PLB1: variants seen among roughly 807,000 people sequenced by gnomAD.
PLB1 encodes phospholipase B1, membrane-associated.
Under a neutral mutation model 227.4 loss-of-function variants are expected in PLB1, and 242 were observed. That is an observed-to-expected ratio of 1.06 (90% confidence interval 0.96 to 1.18). PLB1 has a LOEUF of 1.18. PLB1 is among the 50% of genes most tolerant of loss of function. The pLI is 0.00. For synonymous variants in PLB1, 757 were observed against 682.2 expected (o/e 1.11, Z -1.71); for missense variants, 1,858 against 1,816.3 (o/e 1.02, Z -0.42).
chr2:28,535,295 A>C (rs546646901), intron 9 of PLB1, among the ~76,000 whole-genome samples: 9 of 152,182 alleles, frequency 5.9e-5, no homozygotes, highest in Non-Finnish European at 1.3e-4. Flanking sequence ...TCTTTATTCT[A>C]TTTCTTCTTC....
At chr2:28,499,029 G>A (rs1426570201) in intron 1 of PLB1, among the ~76,000 whole-genome samples, 1 of 152,108 alleles carries the variant, frequency 6.6e-6, no homozygotes, top group Non-Finnish European at 1.5e-5. Context: ...TTGCAGGCAT[G>A]GACATATTTT....
In PLB1 at chr2:28,589,765, A is replaced by G. The variant is rs369680734; in HGVS notation, c.2011A>G (p.Asn671Asp). The G allele has an allele frequency of 1.9e-6, 3 of 1,613,178 alleles. No homozygotes were observed. Among genetic ancestry groups the G allele is most frequent in the Non-Finnish European group, 2.5e-6 (3 of 1,179,480 alleles). ...CCGAGCAGCCAGTGCTCTCTGGAAC[A>G]ATATGGTAAGTGGCTGCGGTAGGAA... ...HSRAASALWN[N>D]MLEPVGQKTT... The change falls in exon 28 of 58, where the codon AAT (asparagine) becomes GAT (aspartate). Residue 671 changes from asparagine (N) to aspartate (D), a missense_variant. By Grantham distance (23) the Asn-to-Asp change is conservative (BLOSUM62 1). Transcript: ENST00000327757.
rs766014187 is a variant in PLB1 at position 28,539,154 on chromosome 2, G to A, written c.674G>A (p.Arg225His). ...VDLSEVAEVS[R>H]QYHGTWLSPA... Reference sequence around the variant, plus strand: ...CTCTCTGAGGTTGCAGAGGTCTCTCGTCAGTATCACGGCACTTGGCTCAGG... The same window carrying A: ...CTCTCTGAGGTTGCAGAGGTCTCTCATCAGTATCACGGCACTTGGCTCAGG... Residue 225 changes from arginine (R) to histidine (H), a missense_variant, in exon 11 of 58, where the codon CGT (arginine) becomes CAT (histidine). By Grantham distance (29) the Arg-to-His change is conservative (BLOSUM62 0). Coordinates refer to ENST00000327757, the MANE Select transcript of PLB1 (RefSeq NM_153021.5). The A allele has an allele frequency of 5.6e-6, 9 of 1,613,958 alleles. No individual in the cohort carries two copies. Among genetic ancestry groups the A allele is most frequent in the South Asian group, 2.2e-5 (2 of 91,082 alleles).
At chr2:28,577,623 G>A (rs527510569) in intron 21 of PLB1, among the ~76,000 whole-genome samples, 27 of 152,284 alleles carry the variant, frequency 1.8e-4, no homozygotes, top group East Asian at 7.7e-4. Flanking sequence ...CAGATGGATC[G>A]TGAGGTCAGG....
intron 51 of PLB1, among the ~76,000 whole-genome samples, chr2:28,626,907 C>T (rs1416998858): frequency 6.6e-6 from 1 of 152,206 alleles, no homozygotes; most frequent in African/African-American, 2.4e-5. Context: ...GATGGGTCAT[C>T]ACGAGTTAAC....
chr2:28,589,867 G>A, intron 28 of PLB1, 97 bp downstream of exon 28: 1 of 1,375,586 alleles, frequency 7.3e-7, no homozygotes, highest in South Asian at 1.2e-5. Flanking sequence ...TGCAGGCCAT[G>A]TGATTCTATG....
Position 28,589,987 on chromosome 2 carries a change from C to T in PLB1, c.2017-18C>T, listed in dbSNP as rs1197117511. 3 of 1,610,102 alleles carry T rather than the reference C, an allele frequency of 1.9e-6. No individual in the cohort carries two copies. The highest frequency in any genetic ancestry group is 1.3e-5 in the African/African-American group (1 of 74,800). The stretch of plus-strand genomic sequence containing the variant: ...GCCGCCTCTTCCTCACTCCCCATCT[C>T]CCTGCTTCTTTGTTTAGCTGGAGCC... On this transcript the variant is annotated intron_variant, in intron 28 of 57. Transcript: ENST00000327757.
chr2:28,532,280 A>G, intron 9 of PLB1, 86 bp downstream of exon 9: 1 of 1,097,666 alleles, frequency 9.1e-7, no homozygotes, highest in South Asian at 1.4e-5. Flanking sequence ...CCCAATCCCC[A>G]GCTGTCAGGA....
At chr2:28,618,182 G>C (rs1881255) in intron 45 of PLB1, among the ~76,000 whole-genome samples, 159 bp from the exon 46 acceptor site, 1 of 152,070 alleles carries the variant, frequency 6.6e-6, no homozygotes, top group Non-Finnish European at 1.5e-5. Flanking sequence ...GCCTTGGTTG[G>C]TCTGAATGAA....
intron 38 of PLB1, 60 bp downstream of exon 38, chr2:28,602,024 T>TG: frequency 7.7e-7 from 1 of 1,300,914 alleles, no homozygotes. Flanking sequence ...TGAAGGTGGA[T>TG]GGGGGGAAAG....
chr2:28,529,979 T>G (rs1366085648), intron 8 of PLB1, among the ~76,000 whole-genome samples, 200 bp downstream of exon 8: 1 of 152,116 alleles, frequency 6.6e-6, no homozygotes, highest in African/African-American at 2.4e-5. Flanking sequence ...TTGTTTATTT[T>G]TATTTATTTA....
At chr2:28,516,372 T>C (rs1046878272) in intron 1 of PLB1, among the ~76,000 whole-genome samples, 2 of 152,198 alleles carry the variant, frequency 1.3e-5, no homozygotes, top group Admixed American at 6.5e-5. Flanking sequence ...TGATTAGCTC[T>C]TCTCCTAAGA....
intron 46 of PLB1, among the ~76,000 whole-genome samples, chr2:28,619,185 C>T (rs1430843792): frequency 6.6e-6 from 1 of 152,206 alleles, no homozygotes; most frequent in Non-Finnish European, 1.5e-5. Flanking sequence ...TCCTGATCCT[C>T]TCCCTCCTCA....
rs1668901768 is a variant in PLB1 at position 28,516,806 on chromosome 2, A to G, written c.56-2A>G. Reference sequence around the variant, plus strand: ...ACTTGAACTATTTCTGCTTTCTTTCAGGGACCCCTCAGATCCATACCTCTC... The same window carrying G: ...ACTTGAACTATTTCTGCTTTCTTTCGGGGACCCCTCAGATCCATACCTCTC... On this transcript the variant is annotated splice_acceptor_variant, in intron 1 of 57. Transcript: ENST00000327757. LOFTEE classifies it high-confidence loss of function. 2.5e-6 allele frequency: 4 copies of G among 1,612,552 alleles called. No homozygotes were observed. The highest frequency in any genetic ancestry group is 3.4e-6 in the Non-Finnish European group (4 of 1,178,730).
At chr2:28,554,426 C>G (rs934481503) in intron 17 of PLB1, among the ~76,000 whole-genome samples, 5 of 148,334 alleles carry the variant, frequency 3.4e-5, no homozygotes, top group Non-Finnish European at 5.9e-5. Context: ...CTCCTGGGCT[C>G]AAGTGATCCT....
intron 9 of PLB1, among the ~76,000 whole-genome samples, chr2:28,532,851 G>A (rs73922137): frequency 0.025 from 3,762 of 152,322 alleles, 140 homozygotes; most frequent in African/African-American, 0.086. Context: ...AGGACATGAA[G>A]CGTGTGGTCT....
intron 51 of PLB1, 98 bp downstream of exon 51, chr2:28,626,606 T>C (rs899149): frequency 0.44 from 340,536 of 774,084 alleles, 55,923 homozygotes; most frequent in African/African-American, 0.59. Flanking sequence ...CCGAGCTCCT[T>C]GCTCATGGGA....
chr2:28,602,150 A>G (rs775555637), intron 38 of PLB1, among the ~76,000 whole-genome samples, 186 bp downstream of exon 38: 21 of 152,192 alleles, frequency 1.4e-4, no homozygotes, highest in Non-Finnish European at 2.6e-4. Context: ...ATCAGCCCAG[A>G]AGGGCCTCAG....
chr2:28,526,478 C>T (rs915746644), intron 6 of PLB1, among the ~76,000 whole-genome samples: 9 of 152,178 alleles, frequency 5.9e-5, no homozygotes, highest in African/African-American at 2.2e-4. Context: ...TTATTGTTAG[C>T]ATTTTGGCCT....
Sources: gnomAD v4.1 joint callset for allele counts (sites outside exome capture counted in the v4.1 genomes callset) on GRCh38, gnomAD v4.1.1 for gene constraint, MANE v1.5 for transcripts, NCBI Gene and HGNC (gene_info 2026-07-23, HGNC 2026-07-21) for gene names.